The following IFT140 variants were observed in gnomAD, a reference collection of about 807,000 sequenced individuals.
The protein encoded by IFT140 is intraflagellar transport 140.
IFT140 carries 133 observed loss-of-function variants against 164.6 expected under a neutral mutation model. That is an observed-to-expected ratio of 0.81 (90% confidence interval 0.70 to 0.93). The LOEUF is 0.93. Ranked by LOEUF, IFT140 falls within the 40% of genes least tolerant of loss-of-function variation. The pLI is 0.00. For synonymous variants in IFT140, 860 were observed against 817.3 expected (o/e 1.05, Z -0.89); for missense variants, 2,045 against 1,972.3 (o/e 1.04, Z -0.70).
intron 21 of IFT140, 71 bp downstream of exon 21, chr16:1,525,816 C>G: frequency 7.2e-7 from 1 of 1,398,076 alleles, no homozygotes. Context: ...CTCACCACAG[C>G]ACACACAAGA....
In IFT140 at chr16:1,562,056, T is replaced by G; in HGVS notation, c.2128A>C (p.Ser710Arg). 2 of 1,611,256 alleles carry G rather than the reference T, an allele frequency of 1.2e-6. No individual in the cohort carries two copies. Among genetic ancestry groups the G allele is most frequent in the Non-Finnish European group, 1.7e-6 (2 of 1,178,914 alleles). ...SEEHGFLLHE[S>R]FPRPATSHSL... is the part of the protein sequence containing the mutation. Reference sequence around the variant, plus strand: ...TGGGAGGTGGCAGGCCGGGGGAAGCTCTCATGAAGCAGGAAGCCGTGCTCT... The same window carrying G: ...TGGGAGGTGGCAGGCCGGGGGAAGCGCTCATGAAGCAGGAAGCCGTGCTCT... Residue 710 changes from serine to arginine, a missense_variant, in exon 18 of 31, where the codon AGC becomes CGC. Transcript: ENST00000426508.
Position 1,527,027 on chromosome 16 carries a change from T to C in IFT140, c.2400-231A>G, listed in dbSNP as rs1041596965. 31 of 532,622 alleles carry C rather than the reference T, an allele frequency of 5.8e-5. No individual in the cohort carries two copies. In the South Asian group the frequency reaches 8.3e-4, roughly 14 times the overall value. 33.0% of individuals were successfully genotyped at this position (532,622 alleles called of 1,614,324 possible). A position where few individuals can be genotyped will look rare whatever the true frequency, so the allele number is the denominator to read the frequency against. ...CCCAAGAGGCAGGGGCCGGGTCCCATTAAAAGACAGAAGGATCTCTTATGC... is the reference window on the plus strand; with the variant it reads ...CCCAAGAGGCAGGGGCCGGGTCCCACTAAAAGACAGAAGGATCTCTTATGC... On this transcript the variant is annotated intron_variant, in intron 19 of 30. Transcript: ENST00000426508.
intron 19 of IFT140, chr16:1,540,722 T>A (rs2031553449): frequency 1.7e-6 from 1 of 587,276 alleles, no homozygotes; most frequent in Admixed American, 6.3e-5. Flanking sequence ...GATTCCTGCA[T>A]CAGTTACCTG....
At chr16:1,534,457 C>G (rs748436089) in intron 19 of IFT140, 1 of 1,611,454 alleles carries the variant, frequency 6.2e-7, no homozygotes, top group Non-Finnish European at 8.5e-7. Context: ...GGGCCGAGCC[C>G]TGGGGCCAGA....
At chr16:1,534,401 C>T (rs372798914) in intron 19 of IFT140, 11 of 1,612,502 alleles carry the variant, frequency 6.8e-6, no homozygotes, top group African/African-American at 1.3e-5. Flanking sequence ...GCAGGCGCAG[C>T]GTGGGGCTGT....
intron 19 of IFT140, among the ~76,000 whole-genome samples, chr16:1,537,325 G>T (rs544903814): frequency 1.3e-5 from 2 of 152,242 alleles, no homozygotes; most frequent in Admixed American, 1.3e-4. Context: ...GTCTCCGGAC[G>T]GCTCTGTGCC....
intron 19 of IFT140, among the ~76,000 whole-genome samples, chr16:1,554,509 C>T (rs1361035063): frequency 6.6e-6 from 1 of 152,180 alleles, no homozygotes; most frequent in Non-Finnish European, 1.5e-5. Flanking sequence ...CAGACACATA[C>T]CACCCCTCCA....
At chr16:1,601,875 T>C (rs2142034595) in intron 4 of IFT140, among the ~76,000 whole-genome samples, 1 of 152,362 alleles carries the variant, frequency 6.6e-6, no homozygotes, top group East Asian at 1.9e-4. Context: ...CATTGTAACA[T>C]TTCTGCCATA....
chr16:1,558,886 A>ACCTG (rs1377527360), intron 18 of IFT140, among the ~76,000 whole-genome samples: 3 of 152,170 alleles, frequency 2.0e-5, no homozygotes, highest in African/African-American at 7.2e-5. Context: ...GACTCCAGCC[A>ACCTG]CCTGCCTCCC....
At chr16:1,550,626 G>C (rs1409910645) in intron 19 of IFT140, among the ~76,000 whole-genome samples, 1 of 152,140 alleles carries the variant, frequency 6.6e-6, no homozygotes. Context: ...CAGGGCAGGA[G>C]GCCGGGCTCA....
rs2036121540 is a variant in IFT140, at chr16:1,607,233, G to T, written c.34C>A (p.Pro12Thr). The change falls in exon 3 of 31, where the codon CCG (proline) becomes ACG (threonine). Residue 12 changes from proline to threonine, a missense_variant. By Grantham distance (38) the Pro-to-Thr change is conservative (BLOSUM62 -1). Coordinates refer to ENST00000426508, the MANE Select transcript of IFT140 (RefSeq NM_014714.4). The stretch of plus-strand genomic sequence containing the variant: ...AATGAGGGTGACCCTGCTGCATCCG[G>T]GGCTTCTATCTGGTGGTCATAATAG... ...ALYYDHQIEA[P>T]DAAGSPSFIS... 6.2e-7 allele frequency: 1 copy of T among 1,614,026 alleles called. No individual in the cohort carries two copies.
chr16:1,587,363 G>C, intron 8 of IFT140, 59 bp from the exon 9 acceptor site: 2 of 1,090,768 alleles, frequency 1.8e-6, no homozygotes, highest in Non-Finnish European at 2.8e-6. Flanking sequence ...TTCCCTCTGA[G>C]GGGTTTTTGA....
At chr16:1,582,674 C>T (rs1156828859) in intron 12 of IFT140, among the ~76,000 whole-genome samples, 1 of 152,260 alleles carries the variant, frequency 6.6e-6, no homozygotes, top group African/African-American at 2.4e-5. Context: ...GAGGCCGAGG[C>T]AGGCAAATCA....
At chr16:1,581,539 G>A (rs2141761856) in intron 12 of IFT140, among the ~76,000 whole-genome samples, 1 of 151,680 alleles carries the variant, frequency 6.6e-6, no homozygotes, top group East Asian at 2.0e-4. Flanking sequence ...GATGGAGGCT[G>A]CAGTGAGCCG....
intron 30 of IFT140, among the ~76,000 whole-genome samples, chr16:1,516,139 CAAAAAAAAAAAAAAA>C (rs869165237): frequency 0.29 from 13,331 of 46,002 alleles, 2,251 homozygotes; most frequent in South Asian, 0.39. Flanking sequence ...AACTCTGTCT[CAAAAAAAAAAAAAAA>C]AAAAAAAAAA....
At position 1,525,267 on chromosome 16, in the gene IFT140, G is replaced by A. The variant is rs200561100; in HGVS notation, c.2828C>T (p.Pro943Leu). The A allele has an allele frequency of 8.7e-6, 14 of 1,612,768 alleles. No homozygotes were observed. The highest frequency in any genetic ancestry group is 2.7e-5 in the African/African-American group (2 of 74,924). ...TTTATTCACGTAGAGCTCCAGGGAC[G>A]GCAGGTCCTCCGACAGCATCCTGGG... ...EVPRMLSEDL[P>L]SLELYVNKMK... Residue 943 changes from proline (P) to leucine (L), a missense_variant, in exon 22 of 31, where the codon CCG becomes CTG. By Grantham distance (98) the Pro-to-Leu change is moderately conservative. Transcript: ENST00000426508.
chr16:1,589,905 C>T (rs549666274), intron 6 of IFT140, 125 bp from the exon 7 acceptor site: 247 of 884,816 alleles, frequency 2.8e-4, no homozygotes, highest in Non-Finnish European at 4.0e-4. Flanking sequence ...AGTATAAGAA[C>T]TTAAAAATGG....
intron 2 of IFT140, 142 bp downstream of exon 2, chr16:1,610,522 G>A (rs2036284341): frequency 6.5e-6 from 1 of 153,094 alleles, no homozygotes; most frequent in African/African-American, 2.4e-5. Context: ...ACTCGCGAGG[G>A]GCCGCGGGGA....
chr16:1,591,678 C>T (rs772219103), intron 6 of IFT140, among the ~76,000 whole-genome samples: 12 of 152,164 alleles, frequency 7.9e-5, no homozygotes, highest in Non-Finnish European at 1.3e-4. Context: ...TGAGGAAGAA[C>T]GGGCTGAACA....
Sources: gnomAD v4.1 joint callset for allele counts (sites outside exome capture counted in the v4.1 genomes callset) on GRCh38, gnomAD v4.1.1 for gene constraint, MANE v1.5 for transcripts, NCBI Gene and HGNC (gene_info 2026-07-23, HGNC 2026-07-21) for gene names.